Variants in NCALD observed in about 807,000 individuals in gnomAD.
NCALD encodes neurocalcin-delta.
A neutral mutation model predicts 18.6 loss-of-function variants in NCALD; 10 were observed. The ratio of observed to expected loss-of-function variants is 0.54; its 90% CI spans 0.33 to 0.91. The LOEUF (loss-of-function observed/expected upper bound fraction) is 0.91, where lower values mean the gene tolerates loss of function less well. Among genes scored for constraint, NCALD ranks in the 40% least tolerant of loss-of-function variants. NCALD has a pLI of 0.03. For missense variants in NCALD, 184 were observed against 247.6 expected (o/e 0.74, Z 1.72); for synonymous variants, 88 against 87.4 (o/e 1.01, Z -0.04).
chr8:101,838,502 G>T (rs1814506380), intron 4 of NCALD, among the ~76,000 whole-genome samples: 1 of 152,210 alleles, frequency 6.6e-6, no homozygotes, highest in African/African-American at 2.4e-5. Flanking sequence ...TTACAGGCAT[G>T]AGCCACCGTG....
chr8:101,826,877 G>T (rs1933289123), intron 4 of NCALD, among the ~76,000 whole-genome samples: 1 of 151,302 alleles, frequency 6.6e-6, no homozygotes, highest in Non-Finnish European at 1.5e-5. Context: ...AATATTCATA[G>T]ACAAATCTAA....
intron 1 of NCALD, among the ~76,000 whole-genome samples, chr8:101,754,602 G>T (rs1810796617): frequency 6.6e-6 from 1 of 152,076 alleles, no homozygotes; most frequent in Non-Finnish European, 1.5e-5. Flanking sequence ...CTTCTCAAAG[G>T]TCTCACCTCC....
At chr8:101,839,749 G>A (rs1230789517) in intron 4 of NCALD, among the ~76,000 whole-genome samples, 2 of 152,112 alleles carry the variant, frequency 1.3e-5, no homozygotes, top group Non-Finnish European at 2.9e-5. Context: ...TCAAGCCGAG[G>A]AGGTGGTTTT....
At chr8:102,114,555 G>C (rs1825728549) in intron 1 of NCALD, among the ~76,000 whole-genome samples, 1 of 152,212 alleles carries the variant, frequency 6.6e-6, no homozygotes, top group South Asian at 2.1e-4. Context: ...GGAGGAAGTG[G>C]CTGAAGGAAC....
At chr8:101,696,754 G>C (rs1322421908) in intron 2 of NCALD, among the ~76,000 whole-genome samples, 1 of 152,198 alleles carries the variant, frequency 6.6e-6, no homozygotes, top group African/African-American at 2.4e-5. Flanking sequence ...GAATTGAAAA[G>C]TAGTCATTTG....
intron 1 of NCALD, among the ~76,000 whole-genome samples, chr8:102,108,087 G>A (rs1364385696): frequency 1.3e-5 from 2 of 152,210 alleles, no homozygotes; most frequent in East Asian, 3.9e-4. Context: ...ACAGGATGGG[G>A]GAGGGAAGGA....
At chr8:101,810,105 T>C (rs1367485742) in intron 4 of NCALD, among the ~76,000 whole-genome samples, 1 of 152,160 alleles carries the variant, frequency 6.6e-6, no homozygotes, top group East Asian at 1.9e-4. Flanking sequence ...AAGTCACACA[T>C]TTTGTTGAGT....
chr8:102,021,343 C>T (rs188326132), intron 1 of NCALD, among the ~76,000 whole-genome samples: 12 of 152,282 alleles, frequency 7.9e-5, no homozygotes, highest in Non-Finnish European at 1.3e-4. Flanking sequence ...TCAGGACTCA[C>T]TCATTGTAGA....
At chr8:101,978,938 G>C (rs1305861619) in intron 2 of NCALD, among the ~76,000 whole-genome samples, 1 of 152,244 alleles carries the variant, frequency 6.6e-6, no homozygotes, top group East Asian at 1.9e-4. Flanking sequence ...TCCTGGATCT[G>C]AATGCTATGG....
At chr8:102,107,703 T>C (rs952916673) in intron 1 of NCALD, among the ~76,000 whole-genome samples, 1 of 152,208 alleles carries the variant, frequency 6.6e-6, no homozygotes, top group Non-Finnish European at 1.5e-5. Flanking sequence ...GAATTTAGAA[T>C]GTATTCTCCT....
intron 1 of NCALD, among the ~76,000 whole-genome samples, chr8:101,759,926 C>T (rs528802029): frequency 3.9e-5 from 6 of 152,138 alleles, no homozygotes; most frequent in Non-Finnish European, 7.3e-5. Flanking sequence ...ACTTACTCTC[C>T]CTTAGTAGTT....
Position 101,719,330 on chromosome 8 carries a change from C to T in NCALD, c.300G>A (p.Lys100=). The change falls in exon 2 of 4, where the codon AAG becomes AAA. Residue 100 remains lysine, a synonymous_variant. Coordinates refer to ENST00000220931, the MANE Select transcript of NCALD (RefSeq NM_032041.3). The stretch of plus-strand genomic sequence containing the variant: ...CGTACATGCTGAAGGCCCATTTCAG[C>T]TTCTGCTCCAGCTTCCCCCTCGAAG... The part of the protein sequence containing the change: ...SVTSRGKLEQ[K]LKWAFSMYDL... 1 of 1,614,200 alleles carries T rather than the reference C, an allele frequency of 6.2e-7. No individual in the cohort carries two copies.
At chr8:101,900,378 G>C (rs1403210454) in intron 3 of NCALD, among the ~76,000 whole-genome samples, 1 of 151,464 alleles carries the variant, frequency 6.6e-6, no homozygotes, top group African/African-American at 2.4e-5. Context: ...TCTTATGCTT[G>C]CTTTGGGTAT....
At chr8:102,077,422 G>A (rs1824383388) in intron 1 of NCALD, among the ~76,000 whole-genome samples, 1 of 150,352 alleles carries the variant, frequency 6.7e-6, no homozygotes, top group South Asian at 2.1e-4. Context: ...TCCTGATACT[G>A]GTGGTACCAA....
At chr8:101,932,617 C>A (rs903177308) in intron 2 of NCALD, among the ~76,000 whole-genome samples, 2 of 151,884 alleles carry the variant, frequency 1.3e-5, no homozygotes, top group Non-Finnish European at 2.9e-5. Flanking sequence ...CAAGAGTACA[C>A]GAGAGAAAAA....
intron 3 of NCALD, among the ~76,000 whole-genome samples, chr8:101,890,573 G>C (rs925874746): frequency 6.6e-6 from 1 of 152,206 alleles, no homozygotes; most frequent in Admixed American, 6.5e-5. Context: ...AAGGGCTCCA[G>C]GTTGAAGGGA....
At chr8:101,947,813 G>A (rs1420087940) in intron 2 of NCALD, among the ~76,000 whole-genome samples, 4 of 152,236 alleles carry the variant, frequency 2.6e-5, no homozygotes, top group African/African-American at 9.6e-5. Flanking sequence ...AGGATGACAA[G>A]GAGCTAGACA....
chr8:101,836,326 A>G (rs747526637), intron 4 of NCALD, among the ~76,000 whole-genome samples: 7 of 152,216 alleles, frequency 4.6e-5, no homozygotes, highest in Non-Finnish European at 7.3e-5. Context: ...AAAAAGCTCA[A>G]TGAAATAAGC....
At chr8:102,111,527 C>A (rs975770343) in intron 1 of NCALD, among the ~76,000 whole-genome samples, 1 of 151,986 alleles carries the variant, frequency 6.6e-6, no homozygotes, top group Admixed American at 6.6e-5. Context: ...AGCAATGGTG[C>A]AGCAATCTGC....
Sources: gnomAD v4.1 joint callset for allele counts (sites outside exome capture counted in the v4.1 genomes callset) on GRCh38, gnomAD v4.1.1 for gene constraint, MANE v1.5 for transcripts, NCBI Gene and HGNC (gene_info 2026-07-23, HGNC 2026-07-21) for gene names.